The following FGFR2 variants were observed in gnomAD, a reference collection of about 807,000 sequenced individuals.
The protein encoded by FGFR2 is BEK fibroblast growth factor receptor.
Under a neutral mutation model 95.9 loss-of-function variants are expected in FGFR2, and 19 were observed. The ratio of observed to expected loss-of-function variants is 0.20; its 90% CI spans 0.14 to 0.29. The LOEUF is 0.29. Among genes scored for constraint, FGFR2 ranks in the 10% least tolerant of loss-of-function variants. The probability of loss-of-function intolerance (pLI) is 1.00; values close to 1 mark genes in which losing one functional copy is unlikely to be tolerated. For missense variants in FGFR2, 707 were observed against 1,056.9 expected (o/e 0.67, Z 4.59); for synonymous variants, 392 against 393.3 (o/e 1.00, Z 0.04).
At chr10:121,559,547 CGCT>C (rs1289008026) in intron 4 of FGFR2, among the ~76,000 whole-genome samples, 3 of 152,198 alleles carry the variant, frequency 2.0e-5, no homozygotes, top group African/African-American at 7.2e-5. Flanking sequence ...AGCTAAGAAC[CGCT>C]ATCACTTTAA....
rs55637244 is a variant in FGFR2, at chr10:121,485,400, G to A, written c.2190C>T (p.Asn730=). The A allele has an allele frequency of 4.2e-4, 677 of 1,614,078 alleles. No homozygotes were observed. Among genetic ancestry groups the A allele is most frequent in the Non-Finnish European group, 5.1e-4 (607 of 1,179,994 alleles). Residue 730 remains asparagine (N), a synonymous_variant, in exon 16 of 18, where the codon AAC becomes AAT. Transcript: ENST00000358487. The surrounding 1 kb of genome is among the most constrained non-coding windows in gnomAD (Gnocchi z 4.2). ...GGAAAGACAACAGCCCTTACAGTTC[G>A]TTGGTGCAGTTGGCTGGCTTATCCA... ...HRMDKPANCT[N]ELYMMMRDCW...
intron 13 of FGFR2, among the ~76,000 whole-genome samples, chr10:121,489,711 C>G (rs976974670): frequency 1.3e-5 from 2 of 152,206 alleles, no homozygotes; most frequent in African/African-American, 2.4e-5. Flanking sequence ...GAGCTATACA[C>G]CGGTATTCTT....
intron 9 of FGFR2, among the ~76,000 whole-genome samples, chr10:121,512,341 CA>C (rs1849160381): frequency 6.6e-6 from 1 of 152,140 alleles, no homozygotes; most frequent in African/African-American, 2.4e-5. Context: ...ACTGATGAAA[CA>C]TTCTTTGTGA....
chr10:121,540,998 C>CA (rs1853660830), intron 5 of FGFR2, among the ~76,000 whole-genome samples: 1 of 151,966 alleles, frequency 6.6e-6, no homozygotes, highest in Admixed American at 6.6e-5. Flanking sequence ...TTTTTAACCC[C>CA]AGGGGATATG....
At chr10:121,508,252 G>A (rs372607781) in intron 9 of FGFR2, among the ~76,000 whole-genome samples, 2 of 152,206 alleles carry the variant, frequency 1.3e-5, no homozygotes, top group Non-Finnish European at 1.5e-5. Context: ...GCCTTAGTGG[G>A]CATGTCTGAT....
chr10:121,568,434 T>G (rs892646222), intron 2 of FGFR2, among the ~76,000 whole-genome samples: 2 of 152,166 alleles, frequency 1.3e-5, no homozygotes, highest in Non-Finnish European at 2.9e-5. Context: ...AGAAATGTTA[T>G]GGAATGTACT....
In FGFR2 at chr10:121,481,982, T is replaced by A. The variant is rs1649167; in HGVS notation, c.2301+1716A>T. On this transcript the variant is annotated intron_variant, in intron 17 of 17. Transcript: ENST00000358487. ...CTCCCGGAGTAGCTGGGATTACAGG[T>A]GCACACCAACACGCCCGGCTAATTT... is the stretch of plus-strand genomic sequence containing the variant. The A allele has an allele frequency of 1.1e-5, 5 of 459,120 alleles. No homozygotes were observed. Among genetic ancestry groups the A allele is most frequent in the Non-Finnish European group, 2.0e-5 (5 of 252,506 alleles). 28.4% of individuals were successfully genotyped at this position (459,120 alleles called of 1,614,324 possible). A position where few individuals can be genotyped will look rare whatever the true frequency, so the allele number is the denominator to read the frequency against.
chr10:121,517,209 T>A lies in FGFR2; in HGVS notation c.1084+110A>T. On this transcript the variant is annotated intron_variant, in intron 8 of 17. Transcript: ENST00000358487. The surrounding 1 kb of genome is among the most constrained non-coding windows in gnomAD (Gnocchi z 4.7). ...GGGATCATTTTTAACATTTTTTATA[T>A]CTTTATGCAAGGATAAAAGGGGCCA... 8.1e-7 allele frequency: 1 copy of A among 1,227,946 alleles called. No individual in the cohort carries two copies. Among genetic ancestry groups the A allele is most frequent in the Non-Finnish European group, 1.2e-6 (1 of 839,160 alleles). 76.1% of individuals were successfully genotyped at this position (1,227,946 alleles called of 1,614,324 possible). A position where few individuals can be genotyped will look rare whatever the true frequency, so the allele number is the denominator to read the frequency against.
At chr10:121,505,261 A>G (rs1256418911) in intron 9 of FGFR2, among the ~76,000 whole-genome samples, 1 of 152,220 alleles carries the variant, frequency 6.6e-6, no homozygotes, top group African/African-American at 2.4e-5. Context: ...GAAGATGCCC[A>G]AGAATAGATT....
At chr10:121,487,535 G>A in intron 14 of FGFR2, 111 bp from the exon 15 acceptor site, 1 of 824,100 alleles carries the variant, frequency 1.2e-6, no homozygotes, top group Non-Finnish European at 2.0e-6. Context: ...GTTTTTACTA[G>A]TCAGTCAATA....
rs180913648 is a variant in FGFR2 at position 121,549,444 on chromosome 10, G to A, written c.624+1846C>T. Among the ~76,000 whole-genome samples, 309 of 152,274 alleles carry A rather than the reference G, an allele frequency of 2.0e-3. 2 individuals carry two copies. The highest frequency in any genetic ancestry group is 3.4e-3 in the Middle Eastern group (1 of 294). On this transcript the variant is annotated intron_variant, in intron 5 of 17. Transcript: ENST00000358487. ...GGACCTGAGGTCTGAGCTAAAGAGC[G>A]TCTTCTATTCCTCCCACCATGCAGT...
intron 1 of FGFR2, among the ~76,000 whole-genome samples, chr10:121,595,097 A>G (rs1178506397): frequency 1.3e-5 from 2 of 152,216 alleles, no homozygotes; most frequent in African/African-American, 4.8e-5. Context: ...CATCAATCTC[A>G]GGCTTCAGAT....
intron 2 of FGFR2, among the ~76,000 whole-genome samples, chr10:121,577,176 T>G (rs11200016): frequency 0.038 from 281 of 7,456 alleles, 6 homozygotes; most frequent in Non-Finnish European, 0.051. Flanking sequence ...TATATATATA[T>G]ATAGAGAGAG....
chr10:121,537,204 C>T (rs1852970230), intron 6 of FGFR2, among the ~76,000 whole-genome samples: 1 of 152,176 alleles, frequency 6.6e-6, no homozygotes, highest in Admixed American at 6.5e-5. Flanking sequence ...CAACATTATT[C>T]AAGGACCTAT....
At chr10:121,550,432 C>T (rs771560062) in intron 5 of FGFR2, among the ~76,000 whole-genome samples, 25 of 152,156 alleles carry the variant, frequency 1.6e-4, no homozygotes, top group Non-Finnish European at 2.5e-4. Flanking sequence ...GGAGCATGCG[C>T]GGGCATCTGC....
intron 17 of FGFR2, 61 bp from the exon 18 acceptor site, chr10:121,480,082 G>T (rs780761521): frequency 1.4e-6 from 2 of 1,465,290 alleles, no homozygotes; most frequent in Non-Finnish European, 1.9e-6. Context: ...AGGTGAATAC[G>T]GTTCGAGAGG....
chr10:121,484,510 A>G (rs911839397), intron 16 of FGFR2, among the ~76,000 whole-genome samples: 4 of 152,318 alleles, frequency 2.6e-5, no homozygotes, highest in Admixed American at 2.6e-4. Flanking sequence ...TCAGACATCC[A>G]CGGTACACCG....
chr10:121,480,230 C>A (rs1310212481), intron 17 of FGFR2: 3 of 686,472 alleles, frequency 4.4e-6, no homozygotes, highest in African/African-American at 1.8e-5. Flanking sequence ...GCCCACCTGA[C>A]TTCCACGAAG....
At chr10:121,533,071 G>A (rs1292404773) in intron 6 of FGFR2, among the ~76,000 whole-genome samples, 3 of 152,158 alleles carry the variant, frequency 2.0e-5, no homozygotes, top group Admixed American at 2.0e-4. Context: ...CGGACAGGCA[G>A]GGGGAACAAA....
Sources: allele counts gnomAD v4.1 joint callset (sites outside exome capture counted in the v4.1 genomes callset), GRCh38; gene constraint gnomAD v4.1.1; non-coding constraint Gnocchi (gnomAD v3.1); transcripts MANE v1.5; gene names NCBI Gene and HGNC (gene_info 2026-07-23, HGNC 2026-07-21).